CRYM: variants seen among roughly 807,000 people sequenced by gnomAD.
The protein encoded by CRYM is crystallin mu.
In CRYM, 18 loss-of-function variants were observed where a neutral mutation model predicts 32.9. That is an observed-to-expected ratio of 0.55 (90% CI 0.38 to 0.81). The LOEUF (loss-of-function observed/expected upper bound fraction) is 0.81. Among genes scored for constraint, CRYM ranks in the 30% least tolerant of loss-of-function variants. CRYM has a pLI of 0.00. For synonymous variants in CRYM, 153 were observed against 152.4 expected (o/e 1.00, Z -0.03); for missense variants, 337 against 393.5 (o/e 0.86, Z 1.21).
chr16:21,271,219 T>C (rs931527037), intron 3 of CRYM, among the ~76,000 whole-genome samples: 10 of 152,136 alleles, frequency 6.6e-5, no homozygotes, highest in Non-Finnish European at 1.3e-4. Flanking sequence ...CTTCAAGTTG[T>C]GGGAACTAAA....
At position 21,262,351 on chromosome 16, in the gene CRYM, C is replaced by T. The variant is rs1002127052; in HGVS notation, c.674-193G>A. On this transcript the variant is annotated intron_variant, in intron 5 of 7. Coordinates refer to ENST00000572914, the MANE Select transcript of CRYM (RefSeq NM_001376256.1). ...TTAAGAAATAGGCCAGGTGTGGTGG[C>T]TCACACCTGTAATCCCAGCACTTTG... The T allele has an allele frequency of 4.0e-5, 23 of 580,138 alleles. No homozygotes were observed. In the Admixed American group the frequency reaches 5.5e-4, roughly 14 times the overall value. The allele number at this position is 580,138 out of a possible 1,614,324, so 35.9% of individuals were successfully genotyped here. A position where few individuals can be genotyped will look rare whatever the true frequency, so the allele number is the denominator to read the frequency against.
At chr16:21,262,622 A>AAAAC (rs992339596) in intron 5 of CRYM, among the ~76,000 whole-genome samples, 4 of 152,256 alleles carry the variant, frequency 2.6e-5, no homozygotes, top group Non-Finnish European at 4.4e-5. Context: ...CCATCTCAAA[A>AAAAC]AAACAAACAA....
At chr16:21,265,426 T>A (rs1197405675) in intron 5 of CRYM, among the ~76,000 whole-genome samples, 3 of 152,160 alleles carry the variant, frequency 2.0e-5, no homozygotes, top group Admixed American at 6.6e-5. Context: ...ATAACCCTAT[T>A]GAAAACACCT....
chr16:21,287,690 T>A (rs2093409754), intron 1 of CRYM, among the ~76,000 whole-genome samples: 1 of 152,188 alleles, frequency 6.6e-6, no homozygotes, highest in African/African-American at 2.4e-5. Flanking sequence ...AACAATGAGA[T>A]CTGGAGAGCT....
Position 21,277,653 on chromosome 16 carries a change from A to G in CRYM, c.171-69T>C. The G allele has an allele frequency of 5.7e-6, 9 of 1,582,846 alleles. No individual in the cohort carries two copies. The highest frequency in any genetic ancestry group is 2.0e-4 in the Middle Eastern group (1 of 4,976). ...CTGGGGTCTCTTAGAAAGTATCCAT[A>G]TACTTTCCTTTTTCTTTCCTTCCTC... On this transcript the variant is annotated intron_variant, in intron 1 of 7. Transcript: ENST00000572914. This position sits in a 1 kb window ranked among gnomAD's most constrained non-coding sequence, Gnocchi z 4.2.
At chr16:21,283,378 A>G (rs2093401468) in intron 1 of CRYM, 1 of 152,222 alleles carries the variant, frequency 6.6e-6, no homozygotes, top group South Asian at 2.1e-4. Context: ...AAGACGGCTC[A>G]GGATTACTGA....
intron 7 of CRYM, among the ~76,000 whole-genome samples, chr16:21,259,182 T>C (rs996746611): frequency 6.6e-6 from 1 of 151,798 alleles, no homozygotes; most frequent in African/African-American, 2.4e-5. Flanking sequence ...CACTGCAAAC[T>C]CTGCCTCCCA....
chr16:21,266,389 ATATACAAAGAAT>A (rs1158810660), intron 5 of CRYM, among the ~76,000 whole-genome samples: 1 of 152,162 alleles, frequency 6.6e-6, no homozygotes, highest in African/African-American at 2.4e-5. Flanking sequence ...ATGTCATTTA[ATATACAAAGAAT>A]TATACAAAGA....
At chr16:21,302,358 T>C (rs1257837601) in intron 1 of CRYM, among the ~76,000 whole-genome samples, 2 of 152,248 alleles carry the variant, frequency 1.3e-5, no homozygotes, top group Non-Finnish European at 2.9e-5. Flanking sequence ...CGAGAACATG[T>C]TAAGTGTTCC....
At chr16:21,281,245 CATAT>C (rs141391440), upstream of CRYM, among the ~76,000 whole-genome samples, 1 of 147,690 alleles carries the variant, frequency 6.8e-6, no homozygotes, top group Non-Finnish European at 1.5e-5. Context: ...TATATATGTG[CATAT>C]ATATATATAT....
intron 1 of CRYM, among the ~76,000 whole-genome samples, chr16:21,294,235 G>C (rs1960734535): frequency 6.6e-6 from 1 of 152,200 alleles, no homozygotes; most frequent in Non-Finnish European, 1.5e-5. Context: ...CCTGGCACAG[G>C]AGTGGTCGTG....
chr16:21,291,473 A>T (rs1035600315), intron 1 of CRYM, among the ~76,000 whole-genome samples: 42 of 152,144 alleles, frequency 2.8e-4, no homozygotes, highest in Admixed American at 2.8e-3. Context: ...TTTTGAAAAA[A>T]CTAAACCTTA....
At chr16:21,267,285 AC>A (rs1869497183) in intron 5 of CRYM, among the ~76,000 whole-genome samples, 2 of 151,992 alleles carry the variant, frequency 1.3e-5, no homozygotes, top group South Asian at 4.2e-4. Context: ...TTTAGTAGAG[AC>A]GGGGTTTTGC....
chr16:21,260,598 C>G (rs1245188910), intron 7 of CRYM, among the ~76,000 whole-genome samples: 2 of 152,196 alleles, frequency 1.3e-5, no homozygotes, highest in African/African-American at 2.4e-5. Flanking sequence ...CCGAGCTCAG[C>G]CTGTTCCCAT....
chr16:21,262,648 T>A (rs2093356691), intron 5 of CRYM, among the ~76,000 whole-genome samples: 1 of 151,858 alleles, frequency 6.6e-6, no homozygotes, highest in Admixed American at 6.6e-5. Context: ...CAAAAAAAAC[T>A]ACCTACCATT....
chr16:21,261,109 A>T, intron 7 of CRYM, 145 bp downstream of exon 7: 1 of 734,898 alleles, frequency 1.4e-6, no homozygotes, highest in Non-Finnish European at 2.4e-6. Context: ...GCTTAGCACT[A>T]GGCTAAACCA....
chr16:21,270,631 T>G (rs2093373549), intron 3 of CRYM, among the ~76,000 whole-genome samples: 1 of 152,174 alleles, frequency 6.6e-6, no homozygotes, highest in Admixed American at 6.5e-5. Flanking sequence ...AAGTCACGTC[T>G]TCCATACTCC....
At chr16:21,276,796 G>C (rs577275571) in intron 2 of CRYM, among the ~76,000 whole-genome samples, 1 of 152,298 alleles carries the variant, frequency 6.6e-6, no homozygotes, top group African/African-American at 2.4e-5. Context: ...CTAATTGTTG[G>C]TTACATAAAC....
At chr16:21,286,313 G>A (rs970749518) in intron 1 of CRYM, among the ~76,000 whole-genome samples, 1 of 151,692 alleles carries the variant, frequency 6.6e-6, no homozygotes. Context: ...CACCTCCTGG[G>A]TTCAAGCAAT....
Sources: allele counts gnomAD v4.1 joint callset (sites outside exome capture counted in the v4.1 genomes callset), GRCh38; gene constraint gnomAD v4.1.1; non-coding constraint Gnocchi (gnomAD v3.1); transcripts MANE v1.5; gene names NCBI Gene and HGNC (gene_info 2026-07-23, HGNC 2026-07-21).